Variants in RELN observed in about 807,000 individuals in gnomAD.
RELN encodes the protein reelin.
RELN carries 108 observed loss-of-function variants against 427.6 expected under a neutral mutation model. The observed-to-expected ratio is 0.25, with a 90% CI of 0.22 to 0.30. RELN has a LOEUF of 0.30. Ranked by LOEUF, RELN falls within the 10% of genes least tolerant of loss-of-function variation. RELN has a pLI of 1.00. For missense variants in RELN, 3,715 were observed against 4,302.8 expected (o/e 0.86, Z 3.82); for synonymous variants, 1,524 against 1,513.4 (o/e 1.01, Z -0.16).
Position 103,492,008 on chromosome 7 carries a change from C to A in RELN, c.9388G>T (p.Ala3130Ser). 3 of 1,613,210 alleles carry A rather than the reference C, an allele frequency of 1.9e-6. No individual in the cohort carries two copies. In the South Asian group the frequency reaches 3.3e-5, roughly 18 times the overall value. ...MQFKIVVGCE[A>S]TSCGDLHSVM... ...GAATGAAGGTCACCACAAGAAGTGG[C>A]TTCACAACCCACCACAATCTAAAAC... Residue 3130 changes from alanine to serine, a missense_variant, in exon 58 of 65, where the codon GCC becomes TCC. Transcript: ENST00000428762.
intron 11 of RELN, among the ~76,000 whole-genome samples, chr7:103,678,686 C>CT (rs1833591433): frequency 6.6e-6 from 1 of 152,162 alleles, no homozygotes; most frequent in Non-Finnish European, 1.5e-5. Context: ...ACTGCATACT[C>CT]TTTTTTCTCT....
intron 11 of RELN, among the ~76,000 whole-genome samples, chr7:103,667,774 C>T (rs10241716): frequency 0.31 from 47,099 of 152,014 alleles, 7,454 homozygotes; most frequent in African/African-American, 0.38. Flanking sequence ...TTATTCCTTG[C>T]ACAAAGTTTA....
At chr7:103,783,160 CT>C (rs908073449) in intron 3 of RELN, among the ~76,000 whole-genome samples, 37 of 81,628 alleles carry the variant, frequency 4.5e-4, no homozygotes, top group African/African-American at 2.1e-3. Context: ...TTTTCTCTTT[CT>C]TTCTTTTTTT....
intron 2 of RELN, among the ~76,000 whole-genome samples, chr7:103,911,711 G>T (rs1287257239): frequency 1.4e-5 from 2 of 143,654 alleles, no homozygotes; most frequent in Non-Finnish European, 3.0e-5. Context: ...GTAGGGACAT[G>T]GATGAAATTG....
In RELN at chr7:103,566,299, A is replaced by T; in HGVS notation, c.4861T>A (p.Tyr1621Asn). The T allele has an allele frequency of 6.2e-7, 1 of 1,614,066 alleles. No homozygotes were observed. The highest frequency in any genetic ancestry group is 8.5e-7 in the Non-Finnish European group (1 of 1,179,978). ...DGSIDLQANWYRIQGGQVDID... is the reference protein window; with the variant it reads ...DGSIDLQANWNRIQGGQVDID... ...TCAACTTGACCTCCTTGGATTCGATACCAGTTGGCTTGCAAATCTATAGAG... is the reference window on the plus strand; with the variant it reads ...TCAACTTGACCTCCTTGGATTCGATTCCAGTTGGCTTGCAAATCTATAGAG... Residue 1621 changes from tyrosine (Y) to asparagine (N), a missense_variant, in exon 33 of 65, where the codon TAT becomes AAT. Around this residue, in one of 4 missense-constraint regions of RELN, gnomAD observed 2,208 missense variants for 2,361.7 expected, o/e 0.93. Coordinates refer to ENST00000428762, the MANE Select transcript of RELN (RefSeq NM_005045.4).
chr7:103,844,241 T>C (rs1793622835), intron 2 of RELN, among the ~76,000 whole-genome samples: 1 of 152,068 alleles, frequency 6.6e-6, no homozygotes. Context: ...TATCACCAGG[T>C]CCTAAAAGCT....
chr7:103,827,232 C>T (rs902177080), intron 3 of RELN, among the ~76,000 whole-genome samples: 12 of 151,940 alleles, frequency 7.9e-5, no homozygotes, highest in Middle Eastern at 6.8e-3. Context: ...ACTTCTCTGA[C>T]GGTCTTATGA....
At chr7:103,602,850 A>C (rs1263458549) in intron 24 of RELN, among the ~76,000 whole-genome samples, 1 of 152,168 alleles carries the variant, frequency 6.6e-6, no homozygotes, top group Non-Finnish European at 1.5e-5. Flanking sequence ...AAAGAATCAT[A>C]AAGTGGTCAA....
intron 16 of RELN, among the ~76,000 whole-genome samples, chr7:103,642,420 T>C (rs1454742478): frequency 7.1e-6 from 1 of 141,630 alleles, no homozygotes; most frequent in Admixed American, 7.5e-5. Context: ...TTTTCTTCCC[T>C]TGTAAAAGAA....
At chr7:103,512,142 A>G (rs969156718) in intron 50 of RELN, among the ~76,000 whole-genome samples, 93 of 134,490 alleles carry the variant, frequency 6.9e-4, no homozygotes, top group Non-Finnish European at 1.0e-3. Context: ...GAAACTTTAT[A>G]GCTACTGAAA....
At chr7:103,738,846 C>T (rs958323229) in intron 6 of RELN, among the ~76,000 whole-genome samples, 3 of 151,896 alleles carry the variant, frequency 2.0e-5, no homozygotes, top group Non-Finnish European at 4.4e-5. Flanking sequence ...TCATGCCCAG[C>T]TAATTTTTGT....
intron 16 of RELN, among the ~76,000 whole-genome samples, chr7:103,649,814 C>G (rs551804616): frequency 6.6e-6 from 1 of 151,932 alleles, no homozygotes; most frequent in East Asian, 1.9e-4. Context: ...AAAAGTTTCA[C>G]CTCCTTTTTT....
intron 1 of RELN, among the ~76,000 whole-genome samples, chr7:103,937,310 C>G (rs1225939098): frequency 4.6e-5 from 7 of 152,226 alleles, no homozygotes; most frequent in Non-Finnish European, 7.3e-5. Context: ...AATTTGGAGG[C>G]CTACAGGCCA....
chr7:103,525,137 T>TC (rs1829794626), intron 46 of RELN, among the ~76,000 whole-genome samples: 1 of 152,096 alleles, frequency 6.6e-6, no homozygotes, highest in African/African-American at 2.4e-5. Context: ...CCTCCCTTCC[T>TC]CTCTCTCTTT....
At chr7:103,714,989 A>G (rs1467085720) in intron 8 of RELN, among the ~76,000 whole-genome samples, 1 of 152,238 alleles carries the variant, frequency 6.6e-6, no homozygotes, top group Non-Finnish European at 1.5e-5. Context: ...TAGAAATTGT[A>G]AATTGAGAGA....
At chr7:103,951,922 C>A (rs754943795) in intron 1 of RELN, among the ~76,000 whole-genome samples, 1 of 152,248 alleles carries the variant, frequency 6.6e-6, no homozygotes, top group Non-Finnish European at 1.5e-5. Flanking sequence ...ATCCACCCGT[C>A]TTGGCCTCCC....
intron 57 of RELN, among the ~76,000 whole-genome samples, chr7:103,494,378 TGTGTGTGTGTGTGTGG>T (rs1041762886): frequency 9.6e-4 from 145 of 151,818 alleles, no homozygotes; most frequent in Middle Eastern, 3.4e-3. Context: ...TGTGTGTGTG[TGTGTGTGTGTGTGTGG>T]GATATGGTCT....
At chr7:103,597,854 CTGT>C (rs911065679) in intron 24 of RELN, among the ~76,000 whole-genome samples, 72 of 152,094 alleles carry the variant, frequency 4.7e-4, no homozygotes, top group African/African-American at 1.7e-3. Flanking sequence ...GTCATTGTTC[CTGT>C]TGTTCAAAAT....
intron 1 of RELN, among the ~76,000 whole-genome samples, chr7:103,927,070 G>C (rs1243986042): frequency 6.6e-6 from 1 of 152,118 alleles, no homozygotes; most frequent in Non-Finnish European, 1.5e-5. Flanking sequence ...TATATGCTGA[G>C]TATATTATAT....
Sources: gnomAD v4.1 joint callset for allele counts (sites outside exome capture counted in the v4.1 genomes callset) on GRCh38, gnomAD v4.1.1 for gene constraint, gnomAD v4.1.1 regional missense constraint, MANE v1.5 for transcripts, NCBI Gene and HGNC (gene_info 2026-07-23, HGNC 2026-07-21) for gene names.